The following MAPK9 variants were observed in gnomAD, a reference collection of about 807,000 sequenced individuals.
MAPK9 encodes the protein mitogen-activated protein kinase 9.
MAPK9 carries 30 observed loss-of-function variants against 57.1 expected under a neutral mutation model. That is an observed-to-expected ratio of 0.53 (90% CI 0.39 to 0.71). MAPK9 has a LOEUF of 0.71. MAPK9 is among the 30% of genes least tolerant of loss of function. The pLI is 0.00. For missense variants in MAPK9, 362 were observed against 521.0 expected (o/e 0.69, Z 2.97); for synonymous variants, 155 against 177.0 (o/e 0.88, Z 0.99).
chr5:180,267,922 G>A (rs1170250515), intron 3 of MAPK9, among the ~76,000 whole-genome samples: 3 of 151,984 alleles, frequency 2.0e-5, no homozygotes, highest in Non-Finnish European at 4.4e-5. Flanking sequence ...GAGTGCAGTG[G>A]TGCTATCTCA....
intron 11 of MAPK9, chr5:180,238,128 G>A: frequency 4.9e-6 from 2 of 404,078 alleles, no homozygotes; most frequent in Non-Finnish European, 9.1e-6. Context: ...AAATTAGCAG[G>A]GCATGGTGGC....
At position 180,247,732 on chromosome 5, in the gene MAPK9, AAAACAAAC is replaced by A. The variant is rs547917857; in HGVS notation, c.617-230_617-223del. The A allele has an allele frequency of 9.6e-6, 11 of 1,147,126 alleles. No individual in the cohort carries two copies. The highest frequency in any genetic ancestry group is 1.3e-5 in the South Asian group (1 of 76,928). 71.1% of individuals were successfully genotyped at this position (1,147,126 alleles called of 1,614,324 possible). The stretch of plus-strand genomic sequence containing the variant: ...CAAAGAGTCCAATACTTTATAGCTT[AAAACAAAC>A]AAACAAACAAACAAAAAACCAGAAA... On this transcript the variant is annotated intron_variant, in intron 6 of 11. Transcript: ENST00000452135. The surrounding 1 kb of genome is among the most constrained non-coding windows in gnomAD (Gnocchi z 4.5).
intron 2 of MAPK9, chr5:180,279,679 T>C (rs1052984020): frequency 2.8e-6 from 1 of 358,374 alleles, no homozygotes; most frequent in Non-Finnish European, 5.4e-6. Flanking sequence ...CTGTTTTCAT[T>C]GACCAAAAAA....
Position 180,236,546 on chromosome 5 carries a change from T to C in MAPK9, c.1133-20A>G. The C allele has an allele frequency of 6.2e-7, 1 of 1,605,410 alleles. No individual in the cohort carries two copies. The highest frequency in any genetic ancestry group is 8.5e-7 in the Non-Finnish European group (1 of 1,173,300). ...CTGCATCTGTGCTAAGAAAACCAAA[T>C]ATAATAAAATCTGAGGCACGACATT... On this transcript the variant is annotated intron_variant, in intron 11 of 11. Transcript: ENST00000452135.
At chr5:180,238,536 T>C in intron 10 of MAPK9, 133 bp from the exon 11 acceptor site, 1 of 638,346 alleles carries the variant, frequency 1.6e-6, no homozygotes, top group African/African-American at 1.8e-5. Flanking sequence ...ACAGAGTCAA[T>C]TCAGTAATAT....
At chr5:180,267,920 T>G (rs938040442) in intron 3 of MAPK9, among the ~76,000 whole-genome samples, 2 of 152,166 alleles carry the variant, frequency 1.3e-5, no homozygotes, top group Non-Finnish European at 2.9e-5. Flanking sequence ...TGGAGTGCAG[T>G]GGTGCTATCT....
In MAPK9 at chr5:180,255,993, C is replaced by T. The variant is rs141633546; in HGVS notation, c.450+5691G>A. Among the ~76,000 whole-genome samples, 124 of 152,238 alleles carry T rather than the reference C, an allele frequency of 8.1e-4. 1 individual carries two copies. In the East Asian group the frequency reaches 0.02, roughly 25 times the overall value. ...AAGCTACCTGTTTAGGAAGTTGCTACGCAGTTATATGCAAGGTGATCCTGT... is the reference window on the plus strand; with the variant it reads ...AAGCTACCTGTTTAGGAAGTTGCTATGCAGTTATATGCAAGGTGATCCTGT... On this transcript the variant is annotated intron_variant, in intron 5 of 11. Transcript: ENST00000452135.
chr5:180,271,761 C>T (rs1761343906), intron 2 of MAPK9, among the ~76,000 whole-genome samples: 1 of 152,162 alleles, frequency 6.6e-6, no homozygotes, highest in Non-Finnish European at 1.5e-5. Flanking sequence ...TGCTGCCACT[C>T]ATAAGAGGGT....
intron 1 of MAPK9, among the ~76,000 whole-genome samples, chr5:180,285,671 C>T (rs775726656): frequency 3.3e-5 from 5 of 152,188 alleles, no homozygotes; most frequent in Non-Finnish European, 7.4e-5. Flanking sequence ...ACTTGTAATC[C>T]CAGCACTGTG....
At position 180,236,377 on chromosome 5, in the gene MAPK9, T is replaced by C. The variant is rs114433256; in HGVS notation, c.*7A>G. On this transcript the variant is annotated 3_prime_UTR_variant, in exon 12 of 12. Coordinates refer to ENST00000452135, the MANE Select transcript of MAPK9 (RefSeq NM_002752.5). ...TCAATGCTGACAGGTTTGCTATTTC[T>C]AACCTATCATCGACAGCCTTCAAGG... 8.8e-5 allele frequency: 141 copies of C among 1,603,226 alleles called. No homozygotes were observed. In the African/African-American group the frequency reaches 1.8e-3, roughly 20 times the overall value.
chr5:180,290,931 A>G (rs1763173060), intron 1 of MAPK9, among the ~76,000 whole-genome samples: 1 of 152,256 alleles, frequency 6.6e-6, no homozygotes, highest in Admixed American at 6.5e-5. Context: ...ATAAGCAGGC[A>G]AATAAATAGA....
chr5:180,271,823 G>A (rs1305011731), intron 2 of MAPK9, among the ~76,000 whole-genome samples: 1 of 152,032 alleles, frequency 6.6e-6, no homozygotes, highest in Non-Finnish European at 1.5e-5. Context: ...TTCATCAACT[G>A]CTCAAACATC....
intron 3 of MAPK9, 78 bp downstream of exon 3, chr5:180,269,202 G>C (rs183754678): frequency 7.0e-7 from 1 of 1,420,338 alleles, no homozygotes; most frequent in Admixed American, 1.8e-5. Context: ...TGAACTCAAT[G>C]TATCTCCAGA....
intron 11 of MAPK9, 46 bp from the exon 12 acceptor site, chr5:180,236,572 G>C (rs1338868511): frequency 6.3e-7 from 1 of 1,592,598 alleles, no homozygotes; most frequent in Admixed American, 1.7e-5. Context: ...GCACGACATT[G>C]CTGCAAATCC....
intron 1 of MAPK9, among the ~76,000 whole-genome samples, chr5:180,282,049 C>A (rs1050023379): frequency 1.3e-5 from 2 of 152,304 alleles, no homozygotes; most frequent in Non-Finnish European, 1.5e-5. Flanking sequence ...TCCAGGCTGG[C>A]AGGTCACTGT....
chr5:180,250,837 T>C (rs377683906), intron 5 of MAPK9, among the ~76,000 whole-genome samples: 35 of 152,176 alleles, frequency 2.3e-4, no homozygotes, highest in African/African-American at 5.5e-4. Flanking sequence ...CAGAAAGGCC[T>C]GAGAGGAAGA....
At chr5:180,290,365 T>G (rs1763124364) in intron 1 of MAPK9, among the ~76,000 whole-genome samples, 1 of 152,144 alleles carries the variant, frequency 6.6e-6, no homozygotes, top group Non-Finnish European at 1.5e-5. Context: ...CAGCACCACC[T>G]GTCACCTCCT....
intron 2 of MAPK9, among the ~76,000 whole-genome samples, chr5:180,273,123 C>T (rs1761496811): frequency 6.6e-6 from 1 of 152,202 alleles, no homozygotes; most frequent in South Asian, 2.1e-4. Flanking sequence ...TTAAATTGCA[C>T]TATCTTGATG....
At chr5:180,253,662 C>T (rs1053981496) in intron 5 of MAPK9, 6 of 152,276 alleles carry the variant, frequency 3.9e-5, no homozygotes, top group African/African-American at 9.6e-5. Flanking sequence ...GGGCCACAGG[C>T]GCCGCATGCA....
Sources: gnomAD v4.1 joint callset for allele counts (sites outside exome capture counted in the v4.1 genomes callset) on GRCh38, gnomAD v4.1.1 for gene constraint, Gnocchi (gnomAD v3.1) non-coding constraint, MANE v1.5 for transcripts, NCBI Gene and HGNC (gene_info 2026-07-23, HGNC 2026-07-21) for gene names.